MORN3: variants seen among roughly 807,000 people sequenced by gnomAD.
MORN3 encodes the protein MORN repeat containing 3.
In MORN3, 38 loss-of-function variants were observed where a neutral mutation model predicts 34.7. The ratio of observed to expected loss-of-function variants is 1.10; its 90% CI spans 0.85 to 1.44. MORN3 has a LOEUF of 1.44. Ranked by LOEUF, MORN3 falls within the 40% of genes most tolerant of loss-of-function variation. MORN3 has a pLI of 0.00. For missense variants in MORN3, 311 were observed against 321.7 expected, an observed-to-expected ratio of 0.97 and a Z score of 0.25; for synonymous variants, 109 against 115.3, an observed-to-expected ratio of 0.95 and a Z score of 0.35.
chr12:121,652,927 C>G (rs1448588913), intron 4 of MORN3, 119 bp from the exon 5 acceptor site: 7 of 1,430,158 alleles, frequency 4.9e-6, no homozygotes, highest in Non-Finnish European at 5.8e-6. Flanking sequence ...ACCTCCCTTG[C>G]TAGGGATGCC....
chr12:121,655,903 T>TG (rs1189570756), intron 2 of MORN3, among the ~76,000 whole-genome samples: 1 of 151,348 alleles, frequency 6.6e-6, no homozygotes, highest in African/African-American at 2.4e-5. Context: ...TGGTGGTGGG[T>TG]GCCCGTAGTC....
At chr12:121,652,895 G>A in intron 4 of MORN3, 87 bp from the exon 5 acceptor site, 1 of 1,502,170 alleles carries the variant, frequency 6.7e-7, no homozygotes, top group Non-Finnish European at 9.2e-7. Flanking sequence ...CGTGTGGGGT[G>A]CTGCCAGCCT....
chr12:121,670,468 G>C (rs1326016138), upstream of MORN3, among the ~76,000 whole-genome samples: 1 of 151,974 alleles, frequency 6.6e-6, no homozygotes, highest in Non-Finnish European at 1.5e-5. Context: ...TTCTCAAGAA[G>C]AAAATAAAAA....
upstream of MORN3, among the ~76,000 whole-genome samples, chr12:121,671,880 CAAA>C (rs35496122): frequency 1.5e-5 from 2 of 132,634 alleles, no homozygotes; most frequent in Non-Finnish European, 3.4e-5. Flanking sequence ...AACTCCGTCT[CAAA>C]AAAAAAAAAA....
intron 1 of MORN3, among the ~76,000 whole-genome samples, chr12:121,661,383 C>T (rs1433370849): frequency 1.3e-5 from 2 of 152,112 alleles, no homozygotes; most frequent in African/African-American, 4.8e-5. Flanking sequence ...ACCAGTACAC[C>T]GAGCTTAATA....
intron 1 of MORN3, among the ~76,000 whole-genome samples, chr12:121,664,215 C>G (rs1475447897): frequency 6.6e-6 from 1 of 152,164 alleles, no homozygotes; most frequent in Non-Finnish European, 1.5e-5. Context: ...CTGAATCCCA[C>G]CATGGCTGAA....
At chr12:121,659,563 C>G (rs1223954411) in intron 1 of MORN3, among the ~76,000 whole-genome samples, 1 of 150,762 alleles carries the variant, frequency 6.6e-6, no homozygotes, top group African/African-American at 2.4e-5. Flanking sequence ...GAGGCAGTGT[C>G]TCACTCTGTC....
upstream of MORN3, among the ~76,000 whole-genome samples, chr12:121,669,833 T>TAA (rs199792815): frequency 2.9e-5 from 3 of 103,660 alleles, no homozygotes; most frequent in African/African-American, 1.4e-4. Context: ...TATATATATA[T>TAA]TTTTTTTTTT....
At chr12:121,669,926 T>C (rs1893907268), upstream of MORN3, among the ~76,000 whole-genome samples, 4 of 151,416 alleles carry the variant, frequency 2.6e-5, no homozygotes, top group South Asian at 6.2e-4. Flanking sequence ...CAGGCTGGAG[T>C]GCAGTGGCAC....
chr12:121,671,128 C>A (rs1325965819), upstream of MORN3, among the ~76,000 whole-genome samples: 3 of 135,408 alleles, frequency 2.2e-5, no homozygotes, highest in Admixed American at 1.5e-4. Context: ...AAAAAAAAGA[C>A]TGGGCGCGGT....
At chr12:121,652,705 T>A in intron 5 of MORN3, 23 bp downstream of exon 5, 1 of 1,610,872 alleles carries the variant, frequency 6.2e-7, no homozygotes. Context: ...CATCAGAACT[T>A]GGCAGGTGTG....
chr12:121,665,416 C>CAGT (rs1031577937), intron 1 of MORN3, among the ~76,000 whole-genome samples: 14 of 148,282 alleles, frequency 9.4e-5, no homozygotes, highest in Non-Finnish European at 1.9e-4. Context: ...TCAGCCTCCT[C>CAGT]AGTAGCTGGG....
intron 2 of MORN3, 145 bp from the exon 3 acceptor site, chr12:121,654,578 G>T: frequency 2.3e-6 from 2 of 862,340 alleles, no homozygotes; most frequent in Admixed American, 3.1e-5. Context: ...TCGTGTCTTA[G>T]CGGAGTATCC....
chr12:121,671,838 G>A (rs1012945239), upstream of MORN3, among the ~76,000 whole-genome samples: 2 of 150,710 alleles, frequency 1.3e-5, no homozygotes, highest in African/African-American at 4.9e-5. Context: ...GCTGAGATCT[G>A]CCACTGCACT....
At chr12:121,659,122 T>C in intron 2 of MORN3, 69 bp downstream of exon 2, 1 of 1,539,624 alleles carries the variant, frequency 6.5e-7, no homozygotes. Flanking sequence ...CGGCTTCCCC[T>C]AAACACACAC....
At chr12:121,657,098 A>T (rs543295229) in intron 2 of MORN3, among the ~76,000 whole-genome samples, 2 of 152,286 alleles carry the variant, frequency 1.3e-5, no homozygotes, top group South Asian at 2.1e-4. Flanking sequence ...CTAACCTCTA[A>T]GCTGTCCATG....
chr12:121,653,385 GC>G, intron 3 of MORN3, 126 bp from the exon 4 acceptor site: 2 of 987,834 alleles, frequency 2.0e-6, no homozygotes, highest in Non-Finnish European at 2.9e-6. Context: ...AGGCTCATAA[GC>G]CCAGGAGATC....
chr12:121,662,004 A>G (rs1893599392), intron 1 of MORN3, among the ~76,000 whole-genome samples: 1 of 152,052 alleles, frequency 6.6e-6, no homozygotes. Context: ...AAGTGAAATA[A>G]GCCAAGCAGA....
In MORN3 at chr12:121,659,431, C is replaced by T. The variant is rs1008604525; in HGVS notation, c.146-83G>A. On this transcript the variant is annotated intron_variant, in intron 1 of 5. Coordinates refer to ENST00000355329, the MANE Select transcript of MORN3 (RefSeq NM_173855.5). ...GTGCCTGCCTGAGCCTCAGGGGCCC[C>T]CAACTAGACGAATCTAGAGAGCTGG... is the stretch of plus-strand genomic sequence containing the variant. 1.1e-5 allele frequency: 16 copies of T among 1,454,656 alleles called. No individual in the cohort carries two copies. The African/African-American group carries it at 2.1e-4, about 19-fold the overall frequency. 90.1% of individuals were successfully genotyped at this position (1,454,656 alleles called of 1,614,324 possible). A position where few individuals can be genotyped will look rare whatever the true frequency, so the allele number is the denominator to read the frequency against.
Sources: gnomAD v4.1 joint callset for allele counts (sites outside exome capture counted in the v4.1 genomes callset) on GRCh38, gnomAD v4.1.1 for gene constraint, MANE v1.5 for transcripts, NCBI Gene and HGNC (gene_info 2026-07-23, HGNC 2026-07-21) for gene names.